Variants in HELQ observed in about 807,000 individuals in gnomAD.
HELQ encodes the protein helicase POLQ-like.
HELQ carries 77 observed loss-of-function variants against 111.6 expected under a neutral mutation model. The observed-to-expected ratio is 0.69, with a 90% CI of 0.57 to 0.83. The LOEUF (loss-of-function observed/expected upper bound fraction) is 0.83, where lower values mean the gene tolerates loss of function less well. HELQ is among the 40% of genes least tolerant of loss of function. The probability of loss-of-function intolerance (pLI) is 0.00; values close to 1 mark genes in which losing one functional copy is unlikely to be tolerated. For missense variants in HELQ, 1,200 were observed against 1,288.5 expected, an observed-to-expected ratio of 0.93 and a Z score of 1.05; for synonymous variants, 438 against 454.7, an observed-to-expected ratio of 0.96 and a Z score of 0.47.
At position 83,449,263 on chromosome 4, in the gene HELQ, A is replaced by G. The variant is rs79853500; in HGVS notation, c.1013-302T>C. Among the ~76,000 whole-genome samples the G allele has an allele frequency of 5.6e-3, 851 of 152,334 alleles. 9 individuals carry two copies. The highest frequency in any genetic ancestry group is 0.019 in the African/African-American group (786 of 41,566). The stretch of plus-strand genomic sequence containing the variant: ...TCGTGGACAAGGAGTGCCATCTGAG[A>G]TATCAGAGGAACAAAGGGACAGTAC... On this transcript the variant is annotated intron_variant, in intron 2 of 17. Transcript: ENST00000295488.
intron 14 of HELQ, among the ~76,000 whole-genome samples, chr4:83,422,751 G>A (rs1016371478): frequency 6.6e-6 from 1 of 152,240 alleles, no homozygotes; most frequent in East Asian, 1.9e-4. Flanking sequence ...TTGTTATGGC[G>A]GTTGTAGAAA....
chr4:83,441,106 G>A (rs139119261), intron 7 of HELQ, among the ~76,000 whole-genome samples, 199 bp downstream of exon 7: 1,676 of 152,302 alleles, frequency 0.011, 27 homozygotes, highest in African/African-American at 0.039. Context: ...TGATGTCATA[G>A]AAAAGAATAT....
At position 83,455,705 on chromosome 4, in the gene HELQ, AGG is replaced by A; in HGVS notation, c.-14_-13del. The A allele has an allele frequency of 6.3e-7, 1 of 1,598,556 alleles. No homozygotes were observed. The highest frequency in any genetic ancestry group is 8.5e-7 in the Non-Finnish European group (1 of 1,178,904). ...CCACATTCATCCATGGCAAGGACCC[AGG>A]GCCCTATTCAGACGTCGTTCTCAGT... On this transcript the variant is annotated 5_prime_UTR_variant, in exon 1 of 18. Transcript: ENST00000295488.
chr4:83,443,251 G>C (rs1478520431), intron 6 of HELQ, among the ~76,000 whole-genome samples: 1 of 151,894 alleles, frequency 6.6e-6, no homozygotes, highest in South Asian at 2.1e-4. Context: ...ATAAAATGGG[G>C]GTTTGGGAAA....
chr4:83,407,424 T>A lies in HELQ; in HGVS notation c.*29A>T. 1 of 1,355,582 alleles carries A rather than the reference T, an allele frequency of 7.4e-7. No individual in the cohort carries two copies. The highest frequency in any genetic ancestry group is 2.4e-5 in the East Asian group (1 of 42,424). The allele number at this position is 1,355,582 out of a possible 1,614,324, so 84.0% of individuals were successfully genotyped here. ...ATAACACACATGTACAATAAATAAT[T>A]CATATATGAAAATTCTCATCAGATA... On this transcript the variant is annotated 3_prime_UTR_variant, in exon 18 of 18. Coordinates refer to ENST00000295488, the MANE Select transcript of HELQ (RefSeq NM_133636.5).
chr4:83,442,205 A>C (rs1207987080), intron 6 of HELQ, among the ~76,000 whole-genome samples: 4 of 151,526 alleles, frequency 2.6e-5, no homozygotes, highest in African/African-American at 4.9e-5. Context: ...GTGGCAATTA[A>C]GTTAAAAAAT....
chr4:83,444,908 C>A (rs1195470303), intron 5 of HELQ, among the ~76,000 whole-genome samples: 1 of 152,104 alleles, frequency 6.6e-6, no homozygotes, highest in Non-Finnish European at 1.5e-5. Context: ...ATTCTTCTTG[C>A]GCTAAAGAAA....
At chr4:83,417,055 A>G (rs1267709056) in intron 16 of HELQ, among the ~76,000 whole-genome samples, 190 bp from the exon 17 acceptor site, 2 of 152,190 alleles carry the variant, frequency 1.3e-5, no homozygotes, top group African/African-American at 4.8e-5. Flanking sequence ...AACTGACTAC[A>G]AGGTAACTAT....
At chr4:83,435,190 A>C (rs1485797747) in intron 9 of HELQ, among the ~76,000 whole-genome samples, 4 of 152,164 alleles carry the variant, frequency 2.6e-5, no homozygotes, top group African/African-American at 9.7e-5. Context: ...ATAAAATATG[A>C]CCTTCCTCAC....
At chr4:83,419,809 A>G (rs11947165) in intron 15 of HELQ, among the ~76,000 whole-genome samples, 3 of 152,158 alleles carry the variant, frequency 2.0e-5, no homozygotes, top group African/African-American at 7.2e-5. Context: ...ATAAACCAAC[A>G]TTTAAAAATC....
chr4:83,424,112 T>C (rs1719708831), intron 14 of HELQ, among the ~76,000 whole-genome samples: 1 of 152,294 alleles, frequency 6.6e-6, no homozygotes, highest in Admixed American at 6.5e-5. Context: ...TTCATGTCCA[T>C]ACTATTTTAA....
intron 17 of HELQ, among the ~76,000 whole-genome samples, chr4:83,410,837 C>T (rs1366200613): frequency 6.6e-6 from 1 of 151,862 alleles, no homozygotes; most frequent in East Asian, 1.9e-4. Context: ...CCCCTCAGAT[C>T]CTAGCATCCA....
At position 83,455,687 on chromosome 4, in the gene HELQ, C is replaced by G; in HGVS notation, c.7G>C (p.Glu3Gln). 1.2e-6 allele frequency: 2 copies of G among 1,606,146 alleles called. No individual in the cohort carries two copies. Among genetic ancestry groups the G allele is most frequent in the South Asian group, 1.1e-5 (1 of 91,046 alleles). MD[E>Q]CGSRIRRRVS... The stretch of plus-strand genomic sequence containing the variant: ...CGCCGGCGGATGCGGGAACCACATT[C>G]ATCCATGGCAAGGACCCAGGGCCCT... The change falls in exon 1 of 18, where the codon GAA becomes CAA. Residue 3 changes from glutamate to glutamine, a missense_variant. Glu to Gln is a conservative substitution (Grantham distance 29, BLOSUM62 2). This residue lies in a region of HELQ where 610 missense variants were observed against 607.1 expected (regional missense o/e 1.00). Transcript: ENST00000295488.
chr4:83,440,108 T>C, intron 7 of HELQ, 100 bp from the exon 8 acceptor site: 2 of 790,928 alleles, frequency 2.5e-6, no homozygotes, highest in Non-Finnish European at 4.1e-6. Flanking sequence ...CCATCTATAA[T>C]TCTAAACTTC....
chr4:83,413,251 A>G (rs901092479), intron 17 of HELQ, among the ~76,000 whole-genome samples: 1 of 152,158 alleles, frequency 6.6e-6, no homozygotes, highest in South Asian at 2.1e-4. Flanking sequence ...GGGAACCCCA[A>G]CTTGAATTGG....
chr4:83,421,022 G>A lies in HELQ; in HGVS notation c.2949+541C>T, dbSNP rs187153448. On this transcript the variant is annotated intron_variant, in intron 15 of 17. Coordinates refer to ENST00000295488, the MANE Select transcript of HELQ (RefSeq NM_133636.5). ...GGAGTTTTCCCACATTGCTCAAGCAGCTGATCTCGAACTCCTGGGCTCAAG... is the reference window on the plus strand; with the variant it reads ...GGAGTTTTCCCACATTGCTCAAGCAACTGATCTCGAACTCCTGGGCTCAAG... Among the ~76,000 whole-genome samples, 987 of 152,258 alleles carry A rather than the reference G, an allele frequency of 6.5e-3. 12 individuals are homozygous for A. Among genetic ancestry groups the A allele is most frequent in the Non-Finnish European group, 9.0e-3 (614 of 68,010 alleles).
chr4:83,431,639 A>T, intron 11 of HELQ, 25 bp downstream of exon 11: 1 of 1,248,630 alleles, frequency 8.0e-7, no homozygotes, highest in South Asian at 1.4e-5. Context: ...TAACAGTAAT[A>T]AGATAAAAAA....
chr4:83,444,465 C>G (rs1241494788), intron 5 of HELQ, among the ~76,000 whole-genome samples: 1 of 144,196 alleles, frequency 6.9e-6, no homozygotes, highest in East Asian at 2.0e-4. Context: ...ACTGCAACCT[C>G]CACCTCCTGG....
At chr4:83,426,255 A>T (rs1197336928) in intron 13 of HELQ, among the ~76,000 whole-genome samples, 163 bp from the exon 14 acceptor site, 2 of 152,108 alleles carry the variant, frequency 1.3e-5, no homozygotes, top group Non-Finnish European at 2.9e-5. Context: ...ATTAGGATAT[A>T]ACAAGGATAT....
Sources: allele counts gnomAD v4.1 joint callset (sites outside exome capture counted in the v4.1 genomes callset), GRCh38; gene constraint gnomAD v4.1.1; regional missense constraint gnomAD v4.1.1; transcripts MANE v1.5; gene names NCBI Gene and HGNC (gene_info 2026-07-23, HGNC 2026-07-21).